Variants in SHROOM3 observed in about 807,000 individuals in gnomAD.
SHROOM3 encodes protein Shroom3.
Under a neutral mutation model 138.6 loss-of-function variants are expected in SHROOM3, and 47 were observed. That is an observed-to-expected ratio of 0.34 (90% CI 0.27 to 0.43). The LOEUF is 0.43. SHROOM3 is among the 20% of genes least tolerant of loss of function. SHROOM3 has a pLI of 1.00. For missense variants in SHROOM3, 2,491 were observed against 2,596.5 expected (o/e 0.96, Z 0.88); for synonymous variants, 1,062 against 1,063.3 (o/e 1.00, Z 0.02).
intron 3 of SHROOM3, among the ~76,000 whole-genome samples, chr4:76,714,717 A>C (rs1720323310): frequency 1.3e-5 from 2 of 152,048 alleles, no homozygotes; most frequent in Non-Finnish European, 2.9e-5. Context: ...TAATGTTCTA[A>C]ATTTGATTCT....
At chr4:76,720,377 G>C (rs1461289112) in intron 3 of SHROOM3, among the ~76,000 whole-genome samples, 1 of 151,818 alleles carries the variant, frequency 6.6e-6, no homozygotes, top group Non-Finnish European at 1.5e-5. Flanking sequence ...GACCTTTTCT[G>C]TCTCCTGTGA....
intron 10 of SHROOM3, among the ~76,000 whole-genome samples, chr4:76,774,004 G>A (rs1722459865): frequency 6.6e-6 from 1 of 152,180 alleles, no homozygotes; most frequent in Non-Finnish European, 1.5e-5. Context: ...TAACAGTTGG[G>A]AGGCTCATTT....
chr4:76,574,207 C>T (rs1733890713), intron 2 of SHROOM3, among the ~76,000 whole-genome samples: 1 of 152,162 alleles, frequency 6.6e-6, no homozygotes, highest in Non-Finnish European at 1.5e-5. Context: ...TTCCCTACTT[C>T]TATAACTTCA....
At chr4:76,729,465 A>G (rs1373927740) in intron 3 of SHROOM3, among the ~76,000 whole-genome samples, 5 of 152,220 alleles carry the variant, frequency 3.3e-5, no homozygotes, top group Admixed American at 2.0e-4. Context: ...TCACACAAGA[A>G]CATTTTCCTA....
chr4:76,607,831 A>G (rs1004103728), intron 2 of SHROOM3, among the ~76,000 whole-genome samples: 11 of 152,230 alleles, frequency 7.2e-5, no homozygotes, highest in Non-Finnish European at 1.5e-4. Flanking sequence ...CTGGTAATCC[A>G]TGGAAATGAG....
At chr4:76,761,209 G>A (rs533565338) in intron 9 of SHROOM3, among the ~76,000 whole-genome samples, 1 of 152,164 alleles carries the variant, frequency 6.6e-6, no homozygotes, top group South Asian at 2.1e-4. Flanking sequence ...TTATTCCCCA[G>A]TGTCTGCTGG....
chr4:76,599,340 G>C (rs898074192), intron 2 of SHROOM3, among the ~76,000 whole-genome samples: 9 of 152,150 alleles, frequency 5.9e-5, no homozygotes, highest in African/African-American at 2.2e-4. Flanking sequence ...TGATATGAAA[G>C]GAAACTGTAG....
chr4:76,627,306 C>T (rs1019861435), intron 2 of SHROOM3, among the ~76,000 whole-genome samples: 2 of 152,128 alleles, frequency 1.3e-5, no homozygotes, highest in Non-Finnish European at 2.9e-5. Context: ...AACTTGTGTC[C>T]CAAGTCAGAC....
At chr4:76,635,217 C>G (rs72661463) in intron 2 of SHROOM3, among the ~76,000 whole-genome samples, 1 of 152,094 alleles carries the variant, frequency 6.6e-6, no homozygotes, top group East Asian at 1.9e-4. Context: ...GACACCTTGC[C>G]TCTGACTGTC....
chr4:76,596,884 A>G (rs997459276), intron 2 of SHROOM3, among the ~76,000 whole-genome samples: 15 of 152,260 alleles, frequency 9.9e-5, no homozygotes, highest in African/African-American at 3.1e-4. Flanking sequence ...GCTCTACCCC[A>G]TGTGCCCCAC....
At position 76,741,275 on chromosome 4, in the gene SHROOM3, G is replaced by C. The variant is rs200570466; in HGVS notation, c.3102G>C (p.Glu1034Asp). ...EKMNEVGIVEEAEPAPLGPQR... is the reference protein window; with the variant it reads ...EKMNEVGIVEDAEPAPLGPQR... Reference sequence around the variant, plus strand: ...TGAACGAGGTGGGGATCGTGGAGGAGGCCGAACCGGCACCCCTGGGCCCGC... The same window carrying C: ...TGAACGAGGTGGGGATCGTGGAGGACGCCGAACCGGCACCCCTGGGCCCGC... The change falls in exon 5 of 11, where the codon GAG becomes GAC. Residue 1034 changes from glutamate to aspartate, a missense_variant. By Grantham distance (45) the Glu-to-Asp change is conservative. Transcript: ENST00000296043. This position sits in a 1 kb window ranked among gnomAD's most constrained non-coding sequence, Gnocchi z 6.2. 7 of 1,612,028 alleles carry C rather than the reference G, an allele frequency of 4.3e-6. No individual in the cohort carries two copies. Among genetic ancestry groups the C allele is most frequent in the Non-Finnish European group, 2.5e-6 (3 of 1,179,660 alleles).
chr4:76,704,371 G>C (rs1486559229), intron 2 of SHROOM3, among the ~76,000 whole-genome samples: 1 of 152,236 alleles, frequency 6.6e-6, no homozygotes, highest in African/African-American at 2.4e-5. Context: ...CAATGCACAA[G>C]TGAACAATTT....
chr4:76,757,205 T>C (rs774730113), intron 8 of SHROOM3: 4 of 435,898 alleles, frequency 9.2e-6, no homozygotes, highest in Non-Finnish European at 1.7e-5. Flanking sequence ...TATTAATTTA[T>C]TTATATCAAC....
chr4:76,452,843 A>G (rs1730952173), intron 1 of SHROOM3, among the ~76,000 whole-genome samples: 1 of 151,878 alleles, frequency 6.6e-6, no homozygotes, highest in South Asian at 2.1e-4. Context: ...TCAGCCTCCC[A>G]AGTAACTGGG....
intron 1 of SHROOM3, among the ~76,000 whole-genome samples, chr4:76,453,223 A>C (rs1452106084): frequency 1.3e-5 from 2 of 152,024 alleles, no homozygotes; most frequent in African/African-American, 4.8e-5. Context: ...GTTCTAATTT[A>C]TACACATCCT....
intron 1 of SHROOM3, among the ~76,000 whole-genome samples, chr4:76,463,847 A>C (rs1224051521): frequency 1.3e-5 from 2 of 152,242 alleles, no homozygotes; most frequent in Non-Finnish European, 2.9e-5. Flanking sequence ...GGGTGCACAG[A>C]GGGCAAGTGT....
chr4:76,488,095 T>TAA (rs1731769486), intron 1 of SHROOM3, among the ~76,000 whole-genome samples: 1 of 152,202 alleles, frequency 6.6e-6, no homozygotes, highest in Non-Finnish European at 1.5e-5. Context: ...CTTCTAGTAT[T>TAA]GTGCTATTGG....
At chr4:76,654,354 G>A (rs181969572) in intron 2 of SHROOM3, among the ~76,000 whole-genome samples, 42 of 152,304 alleles carry the variant, frequency 2.8e-4, no homozygotes, top group Non-Finnish European at 5.0e-4. Context: ...GAGCCATTGA[G>A]AGCCTTCAAG....
intron 2 of SHROOM3, among the ~76,000 whole-genome samples, chr4:76,590,715 G>T (rs544590014): frequency 1.3e-5 from 2 of 151,234 alleles, no homozygotes; most frequent in Non-Finnish European, 2.9e-5. Flanking sequence ...TTTCTCCCCC[G>T]GGGTAGAAGT....
Sources: gnomAD v4.1 joint callset for allele counts (sites outside exome capture counted in the v4.1 genomes callset) on GRCh38, gnomAD v4.1.1 for gene constraint, Gnocchi (gnomAD v3.1) non-coding constraint, MANE v1.5 for transcripts, NCBI Gene and HGNC (gene_info 2026-07-23, HGNC 2026-07-21) for gene names.